Variants in SDCCAG8 observed in about 807,000 individuals in gnomAD.
SDCCAG8 encodes the protein serologically defined colon cancer antigen 8.
Under a neutral mutation model 101.8 loss-of-function variants are expected in SDCCAG8, and 74 were observed. The ratio of observed to expected loss-of-function variants is 0.73; its 90% CI spans 0.60 to 0.88. The LOEUF (loss-of-function observed/expected upper bound fraction) is 0.88, where lower values mean the gene tolerates loss of function less well. Ranked by LOEUF, SDCCAG8 falls within the 40% of genes least tolerant of loss-of-function variation. The pLI, the probability that SDCCAG8 is intolerant of heterozygous loss-of-function variation, is 0.00. For synonymous variants in SDCCAG8, 281 were observed against 292.9 expected, an observed-to-expected ratio of 0.96 and a Z score of 0.41; for missense variants, 787 against 822.6, an observed-to-expected ratio of 0.96 and a Z score of 0.53.
chr1:243,378,466 A>C (rs543952778), intron 12 of SDCCAG8, among the ~76,000 whole-genome samples: 1 of 152,180 alleles, frequency 6.6e-6, no homozygotes, highest in East Asian at 1.9e-4. Context: ...TGAAAGTGCA[A>C]TTATCCACTT....
intron 12 of SDCCAG8, among the ~76,000 whole-genome samples, chr1:243,351,039 C>CT (rs898674823): frequency 6.6e-6 from 1 of 152,166 alleles, no homozygotes; most frequent in African/African-American, 2.4e-5. Flanking sequence ...GCTGTGTACT[C>CT]TTTTTCAGAA....
At chr1:243,271,176 A>G (rs2068052605) in intron 3 of SDCCAG8, 113 bp downstream of exon 3, 1 of 734,092 alleles carries the variant, frequency 1.4e-6, no homozygotes, top group South Asian at 1.5e-5. Context: ...ATAGTGAAAA[A>G]CATTAAAAGT....
chr1:243,401,266 A>G (rs1280383529), intron 13 of SDCCAG8, among the ~76,000 whole-genome samples: 1 of 152,222 alleles, frequency 6.6e-6, no homozygotes, highest in Non-Finnish European at 1.5e-5. Context: ...GAAACCATTC[A>G]CTGGCTTATT....
intron 10 of SDCCAG8, among the ~76,000 whole-genome samples, chr1:243,334,022 T>C (rs1167825437): frequency 6.6e-6 from 1 of 152,180 alleles, no homozygotes; most frequent in Non-Finnish European, 1.5e-5. Context: ...CCACCTCCTA[T>C]CCCAGTGGAT....
intron 6 of SDCCAG8, among the ~76,000 whole-genome samples, chr1:243,298,133 C>A (rs911224943): frequency 3.3e-5 from 5 of 151,584 alleles, no homozygotes; most frequent in African/African-American, 1.2e-4. Flanking sequence ...ACTGCAACCT[C>A]CACCTCCCTG....
chr1:243,319,499 A>C (rs1484154615), intron 9 of SDCCAG8, among the ~76,000 whole-genome samples: 3 of 151,912 alleles, frequency 2.0e-5, no homozygotes, highest in Non-Finnish European at 2.9e-5. Context: ...TCAGCCTCCC[A>C]AGTAGCTGGG....
chr1:243,277,000 A>T (rs1196747430), intron 4 of SDCCAG8, among the ~76,000 whole-genome samples: 1 of 152,166 alleles, frequency 6.6e-6, no homozygotes, highest in East Asian at 1.9e-4. Flanking sequence ...TTTATTATTA[A>T]GTAGTATTCA....
chr1:243,290,398 T>G (rs2070129362), intron 5 of SDCCAG8, among the ~76,000 whole-genome samples: 1 of 152,198 alleles, frequency 6.6e-6, no homozygotes, highest in Admixed American at 6.5e-5. Context: ...TATCATAAGT[T>G]AGTGATCTGT....
intron 3 of SDCCAG8, among the ~76,000 whole-genome samples, chr1:243,273,554 T>C (rs1341822799): frequency 6.6e-6 from 1 of 152,244 alleles, no homozygotes; most frequent in Admixed American, 6.5e-5. Context: ...GGAGGTTCTA[T>C]GCTCCAGAAC....
chr1:243,261,108 A>T (rs2067160703), intron 1 of SDCCAG8, among the ~76,000 whole-genome samples: 1 of 152,194 alleles, frequency 6.6e-6, no homozygotes, highest in South Asian at 2.1e-4. Context: ...CTTATGGCCA[A>T]ATTGGGCAGT....
chr1:243,281,551 A>G (rs1409390415), intron 4 of SDCCAG8, among the ~76,000 whole-genome samples: 4 of 151,564 alleles, frequency 2.6e-5, no homozygotes, highest in African/African-American at 9.7e-5. Flanking sequence ...GATTATTGTT[A>G]TGATTGGATC....
At chr1:243,385,103 A>T (rs2078193370) in intron 13 of SDCCAG8, among the ~76,000 whole-genome samples, 1 of 151,766 alleles carries the variant, frequency 6.6e-6, no homozygotes, top group South Asian at 2.1e-4. Flanking sequence ...AAAATACATG[A>T]GTAGATCGGG....
intron 12 of SDCCAG8, among the ~76,000 whole-genome samples, chr1:243,363,815 T>A (rs1206335754): frequency 6.6e-6 from 1 of 152,198 alleles, no homozygotes; most frequent in Non-Finnish European, 1.5e-5. Context: ...TACATAGGAA[T>A]AGAATGGATT....
At chr1:243,294,504 AGC>A (rs1305505720) in intron 6 of SDCCAG8, among the ~76,000 whole-genome samples, 2 of 138,566 alleles carry the variant, frequency 1.4e-5, no homozygotes, top group Non-Finnish European at 3.1e-5. Flanking sequence ...AGAGAGAAAG[AGC>A]GAGAGAGAGA....
intron 17 of SDCCAG8, among the ~76,000 whole-genome samples, chr1:243,499,109 C>T (rs1574479777): frequency 1.3e-5 from 2 of 152,212 alleles, no homozygotes; most frequent in African/African-American, 4.8e-5. Context: ...AGGCCAGGAA[C>T]AGTATTCAAT....
chr1:243,461,238 G>A (rs1222754522), intron 16 of SDCCAG8, among the ~76,000 whole-genome samples: 1 of 152,152 alleles, frequency 6.6e-6, no homozygotes, highest in Non-Finnish European at 1.5e-5. Flanking sequence ...TTTGCCATTT[G>A]CGATGCACAC....
intron 1 of SDCCAG8, among the ~76,000 whole-genome samples, chr1:243,260,411 A>C (rs2067113665): frequency 6.6e-6 from 1 of 152,192 alleles, no homozygotes; most frequent in African/African-American, 2.4e-5. Flanking sequence ...AAGATAGCAC[A>C]TGCGCCTTCT....
intron 1 of SDCCAG8, among the ~76,000 whole-genome samples, chr1:243,266,581 A>G (rs2067605540): frequency 6.6e-6 from 1 of 151,748 alleles, no homozygotes; most frequent in African/African-American, 2.4e-5. Flanking sequence ...TAGCCTCCCA[A>G]AGTCCCAGGA....
chr1:243,301,481 C>G (rs1344110267), intron 6 of SDCCAG8, among the ~76,000 whole-genome samples: 2 of 152,136 alleles, frequency 1.3e-5, no homozygotes, highest in African/African-American at 4.8e-5. Flanking sequence ...CATGACATTA[C>G]AGGAAAAAGT....
Sources: gnomAD v4.1 joint callset for allele counts (sites outside exome capture counted in the v4.1 genomes callset) on GRCh38, gnomAD v4.1.1 for gene constraint, MANE v1.5 for transcripts, NCBI Gene and HGNC (gene_info 2026-07-23, HGNC 2026-07-21) for gene names.